Variants in TECPR1 observed in about 807,000 individuals in gnomAD.
The protein encoded by TECPR1 is tectonin beta-propeller repeat-containing protein 1.
A neutral mutation model predicts 162.4 loss-of-function variants in TECPR1; 122 were observed. The observed-to-expected ratio is 0.75, with a 90% CI of 0.65 to 0.87. TECPR1 has a LOEUF of 0.87. Among genes scored for constraint, TECPR1 ranks in the 40% least tolerant of loss-of-function variants. The pLI is 0.00. For missense variants in TECPR1, 1,432 were observed against 1,618.2 expected, an observed-to-expected ratio of 0.88 and a Z score of 1.97; for synonymous variants, 642 against 670.6, an observed-to-expected ratio of 0.96 and a Z score of 0.66.
chr7:98,233,511 C>A lies in TECPR1; in HGVS notation c.1582G>T (p.Val528Leu). ...CAGGCCCACAGCGGGTGGTCATCCA[C>A]CCCATACGGCTCCTCCAAGCCCAGT... ...LPLGLEEPYG[V>L]DDHPLWAWVS... is the part of the protein sequence containing the mutation. The change falls in exon 11 of 26, where the codon GTG becomes TTG. Residue 528 changes from valine to leucine, a missense_variant. Val to Leu is a conservative substitution (Grantham distance 32). Transcript: ENST00000447648. 1 of 1,552,744 alleles carries A rather than the reference C, an allele frequency of 6.4e-7. No individual in the cohort carries two copies. The highest frequency in any genetic ancestry group is 1.2e-5 in the South Asian group (1 of 82,982).
At chr7:98,235,473 C>G (rs966885892) in intron 10 of TECPR1, among the ~76,000 whole-genome samples, 6 of 143,420 alleles carry the variant, frequency 4.2e-5, no homozygotes, top group Non-Finnish European at 6.0e-5. Flanking sequence ...TGCAGTGAGC[C>G]AAGATCGCGC....
chr7:98,235,164 T>C (rs1407074907), intron 10 of TECPR1, among the ~76,000 whole-genome samples: 1 of 152,202 alleles, frequency 6.6e-6, no homozygotes, highest in Non-Finnish European at 1.5e-5. Context: ...ACCTCAAAGT[T>C]ATAAAGATTT....
chr7:98,241,895 G>A lies in TECPR1; in HGVS notation c.658-651C>T, dbSNP rs1205912327. Among the ~76,000 whole-genome samples the A allele has an allele frequency of 6.6e-6, 1 of 152,172 alleles. No individual in the cohort carries two copies. Among genetic ancestry groups the A allele is most frequent in the African/African-American group, 2.4e-5 (1 of 41,438 alleles). On this transcript the variant is annotated intron_variant, in intron 6 of 25. Transcript: ENST00000447648. The surrounding 1 kb of genome is among the most constrained non-coding windows in gnomAD (Gnocchi z 5.0). ...CCCATCTGTCTCCCCAGCTTCTACA[G>A]AAGCCCAGGTCCTGGTGCCACCTCT...
chr7:98,223,852 A>G (rs2116543016), intron 19 of TECPR1, 134 bp from the exon 20 acceptor site: 3 of 968,496 alleles, frequency 3.1e-6, no homozygotes, highest in Non-Finnish European at 4.7e-6. Context: ...GGGTTCAGAG[A>G]AGGAGGTGTC....
intron 2 of TECPR1, among the ~76,000 whole-genome samples, chr7:98,246,368 G>A (rs2116632523): frequency 6.7e-6 from 1 of 149,388 alleles, no homozygotes; most frequent in Non-Finnish European, 1.5e-5. Context: ...CAGGGTTCAA[G>A]CAATTCTCCT....
intron 23 of TECPR1, among the ~76,000 whole-genome samples, chr7:98,218,582 C>G (rs895519007): frequency 6.6e-5 from 10 of 152,282 alleles, no homozygotes; most frequent in African/African-American, 2.4e-4. Flanking sequence ...CAGCAGCAAC[C>G]AGGCTGAGAA....
At chr7:98,220,162 C>T (rs936210347) in intron 23 of TECPR1, among the ~76,000 whole-genome samples, 4 of 150,946 alleles carry the variant, frequency 2.6e-5, no homozygotes, top group African/African-American at 7.3e-5. Flanking sequence ...CCCAACATGG[C>T]GAAACCCCAT....
At chr7:98,242,778 C>CCCAT (rs1798789546) in intron 6 of TECPR1, among the ~76,000 whole-genome samples, 1 of 59,402 alleles carries the variant, frequency 1.7e-5, no homozygotes, top group African/African-American at 4.5e-5. Context: ...CACCCACCCA[C>CCCAT]CCATCCATCC....
Position 98,217,336 on chromosome 7 carries a change from G to A in TECPR1, c.*54C>T, listed in dbSNP as rs1274976774. ...CACACTCCAGCACAAGAATGGCTCA[G>A]CCTTGATCCCCCAAACTGGGCACCG... On this transcript the variant is annotated 3_prime_UTR_variant, in exon 26 of 26. Coordinates refer to ENST00000447648, the MANE Select transcript of TECPR1 (RefSeq NM_015395.3). 2.5e-6 allele frequency: 3 copies of A among 1,189,822 alleles called. No individual in the cohort carries two copies. The highest frequency in any genetic ancestry group is 3.5e-6 in the Non-Finnish European group (3 of 850,058). 73.7% of individuals were successfully genotyped at this position (1,189,822 alleles called of 1,614,324 possible). A position where few individuals can be genotyped will look rare whatever the true frequency, so the allele number is the denominator to read the frequency against.
intron 16 of TECPR1, chr7:98,228,734 CAGA>C: frequency 3.3e-6 from 1 of 306,406 alleles, no homozygotes; most frequent in Admixed American, 4.4e-5. Context: ...CGGGGGGCCA[CAGA>C]AGTTCAGCGA....
chr7:98,242,705 A>C (rs1798784157), intron 6 of TECPR1, among the ~76,000 whole-genome samples: 2 of 115,230 alleles, frequency 1.7e-5, no homozygotes, highest in African/African-American at 3.4e-5. Flanking sequence ...TCACCCACCC[A>C]CCCACACAGC....
intron 19 of TECPR1, 128 bp downstream of exon 19, chr7:98,224,673 G>T (rs1798229786): frequency 2.2e-6 from 2 of 889,078 alleles, no homozygotes; most frequent in African/African-American, 3.4e-5. Flanking sequence ...TGGCACCAGG[G>T]GTCTGCTCCT....
At position 98,218,156 on chromosome 7, in the gene TECPR1, C is replaced by T; in HGVS notation, c.3158-114G>A. ...TCTAACCACTTCGGGGTTTGGGAAGCTGCTGGGGAGGCAGGAGGGTCCTGG... is the reference window on the plus strand; with the variant it reads ...TCTAACCACTTCGGGGTTTGGGAAGTTGCTGGGGAGGCAGGAGGGTCCTGG... On this transcript the variant is annotated intron_variant, in intron 23 of 25. Transcript: ENST00000447648. The T allele has an allele frequency of 3.7e-6, 3 of 813,082 alleles. No individual in the cohort carries two copies. In the South Asian group the frequency reaches 5.1e-5, roughly 14 times the overall value. The allele number at this position is 813,082 out of a possible 1,614,324, so 50.4% of individuals were successfully genotyped here.
chr7:98,233,082 G>C, intron 11 of TECPR1, 110 bp from the exon 12 acceptor site: 1 of 1,309,678 alleles, frequency 7.6e-7, no homozygotes, highest in Non-Finnish European at 1.0e-6. Flanking sequence ...CAAAAGCTAC[G>C]CTCTCTGTTA....
intron 2 of TECPR1, among the ~76,000 whole-genome samples, chr7:98,246,409 G>A (rs1194760231): frequency 6.6e-6 from 1 of 151,550 alleles, no homozygotes. Flanking sequence ...TGGGATTATA[G>A]GCACCTGCCA....
At chr7:98,236,125 G>A (rs77118638) in intron 10 of TECPR1, among the ~76,000 whole-genome samples, 2 of 152,170 alleles carry the variant, frequency 1.3e-5, no homozygotes, top group Non-Finnish European at 2.9e-5. Flanking sequence ...CCACTGAGTC[G>A]CCTGCCTGTG....
rs576707180 is a variant in TECPR1 at position 98,224,648 on chromosome 7, C to T, written c.2690+153G>A. ...CTGGCCTCTCTGCTGGCTCCTCCCCCTCCAGTAGCAGGGCTGGCACCAGGG... is the reference window on the plus strand; with the variant it reads ...CTGGCCTCTCTGCTGGCTCCTCCCCTTCCAGTAGCAGGGCTGGCACCAGGG... On this transcript the variant is annotated intron_variant, in intron 19 of 25. Coordinates refer to ENST00000447648, the MANE Select transcript of TECPR1 (RefSeq NM_015395.3). 4.9e-4 allele frequency among the ~76,000 whole-genome samples: 74 copies of T among 152,320 alleles called. 1 individual carries two copies. The highest frequency in any genetic ancestry group is 1.7e-3 in the African/African-American group (72 of 41,578).
intron 3 of TECPR1, 143 bp from the exon 4 acceptor site, chr7:98,245,210 T>G: frequency 1.1e-6 from 1 of 893,426 alleles, no homozygotes; most frequent in Non-Finnish European, 1.7e-6. Flanking sequence ...GCAGAGGGCC[T>G]GTGTGGGACC....
intron 9 of TECPR1, among the ~76,000 whole-genome samples, chr7:98,237,555 G>A (rs781096278): frequency 1.1e-4 from 17 of 151,882 alleles, no homozygotes; most frequent in South Asian, 2.1e-4. Context: ...TGCAACCTCC[G>A]CCTCCCAGCT....
Sources: allele counts gnomAD v4.1 joint callset (sites outside exome capture counted in the v4.1 genomes callset), GRCh38; gene constraint gnomAD v4.1.1; non-coding constraint Gnocchi (gnomAD v3.1); transcripts MANE v1.5; gene names NCBI Gene and HGNC (gene_info 2026-07-23, HGNC 2026-07-21).